The following ADRA1A variants were observed in gnomAD, a reference collection of about 807,000 sequenced individuals.
ADRA1A encodes the protein alpha-1A adrenergic receptor.
In ADRA1A, 31 loss-of-function variants were observed where a neutral mutation model predicts 29.6. That is an observed-to-expected ratio of 1.05 (90% CI 0.79 to 1.41). The LOEUF is 1.41. Among genes scored for constraint, ADRA1A ranks in the 40% most tolerant of loss-of-function variants. ADRA1A has a pLI of 0.00. For missense variants in ADRA1A, 619 were observed against 601.1 expected, an observed-to-expected ratio of 1.03 and a Z score of -0.31; for synonymous variants, 311 against 254.3, an observed-to-expected ratio of 1.22 and a Z score of -2.12.
intron 2 of ADRA1A, among the ~76,000 whole-genome samples, chr8:26,773,193 T>G (rs1441989062): frequency 3.3e-5 from 5 of 152,240 alleles, no homozygotes; most frequent in Non-Finnish European, 5.9e-5. Flanking sequence ...TCAGGGCCCA[T>G]GCTCCTTTGT....
In ADRA1A at chr8:26,864,397, G is replaced by A; in HGVS notation, c.573C>T (p.Gly191=). The change falls in exon 2 of 3, where the codon GGC becomes GGT. Residue 191 remains glycine, a synonymous_variant. Transcript: ENST00000380573. This position sits in a 1 kb window ranked among gnomAD's most constrained non-coding sequence, Gnocchi z 8.1. Reference sequence around the variant, plus strand: ...TGATGGCCAGAGGCAGGTAGAAGGAGCCCAGCGCTGAGAAGAGCACGTAGC... The same window carrying A: ...TGATGGCCAGAGGCAGGTAGAAGGAACCCAGCGCTGAGAAGAGCACGTAGC... The part of the protein sequence containing the change: ...EPGYVLFSAL[G]SFYLPLAIIL... 6.2e-7 allele frequency: 1 copy of A among 1,613,642 alleles called. No homozygotes were observed. Among genetic ancestry groups the A allele is most frequent in the Non-Finnish European group, 8.5e-7 (1 of 1,180,032 alleles).
intron 2 of ADRA1A, among the ~76,000 whole-genome samples, chr8:26,750,244 C>G (rs577190254): frequency 1.3e-5 from 2 of 152,074 alleles, no homozygotes; most frequent in African/African-American, 4.8e-5. Flanking sequence ...CTCTGTTGCC[C>G]AGGCTGGAGT....
At chr8:26,859,321 G>A (rs1813275292) in intron 2 of ADRA1A, 1 of 593,574 alleles carries the variant, frequency 1.7e-6, no homozygotes, top group Admixed American at 3.2e-5. Context: ...CCCAGCAGAA[G>A]TAGTGCCATC....
At chr8:26,810,055 C>G (rs758486520) in intron 2 of ADRA1A, among the ~76,000 whole-genome samples, 3 of 152,220 alleles carry the variant, frequency 2.0e-5, no homozygotes, top group Non-Finnish European at 2.9e-5. Flanking sequence ...GCCCTTATTA[C>G]TTCCTGCCTT....
At chr8:26,795,998 G>C (rs1482994098) in intron 2 of ADRA1A, among the ~76,000 whole-genome samples, 1 of 151,962 alleles carries the variant, frequency 6.6e-6, no homozygotes, top group Non-Finnish European at 1.5e-5. Context: ...GAAAATTGAA[G>C]ATATATGATA....
chr8:26,765,944 G>C (rs1049359916), downstream of ADRA1A: 58 of 1,332,312 alleles, frequency 4.4e-5, no homozygotes, highest in Admixed American at 6.6e-4. Context: ...CAGAAGGTTG[G>C]GATATCCAGT....
At chr8:26,771,575 A>G (rs928835627) in intron 2 of ADRA1A, among the ~76,000 whole-genome samples, 7 of 152,146 alleles carry the variant, frequency 4.6e-5, no homozygotes, top group Non-Finnish European at 1.5e-5. Flanking sequence ...TTCGCAGCAG[A>G]AGAACAAAAC....
intron 2 of ADRA1A, among the ~76,000 whole-genome samples, chr8:26,816,203 TG>T (rs1397829798): frequency 1.3e-5 from 2 of 152,118 alleles, no homozygotes; most frequent in Non-Finnish European, 2.9e-5. Context: ...AGCCTTAAAT[TG>T]GTGTGGGAAG....
At chr8:26,808,260 C>T (rs1809142453) in intron 2 of ADRA1A, among the ~76,000 whole-genome samples, 1 of 152,144 alleles carries the variant, frequency 6.6e-6, no homozygotes, top group Admixed American at 6.5e-5. Flanking sequence ...ATTGCTTTTT[C>T]CACTTAATAC....
At chr8:26,857,611 T>C (rs561943803) in intron 2 of ADRA1A, among the ~76,000 whole-genome samples, 8 of 152,252 alleles carry the variant, frequency 5.3e-5, no homozygotes, top group African/African-American at 1.9e-4. Context: ...CGCAGTGAGC[T>C]ATGATTACCA....
rs1427525278 is a variant in ADRA1A, at chr8:26,864,976, A to G, written c.-7T>C. The stretch of plus-strand genomic sequence containing the variant: ...TTCCCGAGAGAAACACCATGGTCCC[A>G]GCCGGGGCCGGGCGAGGTCCGGCTG... On this transcript the variant is annotated 5_prime_UTR_variant, in exon 2 of 3. Transcript: ENST00000380573. The surrounding 1 kb of genome is among the most constrained non-coding windows in gnomAD (Gnocchi z 8.1). 3 of 1,588,752 alleles carry G rather than the reference A, an allele frequency of 1.9e-6. No individual in the cohort carries two copies. The highest frequency in any genetic ancestry group is 2.3e-5 in the South Asian group (2 of 88,006).
At chr8:26,791,471 A>C (rs1465484552) in intron 2 of ADRA1A, among the ~76,000 whole-genome samples, 1 of 152,162 alleles carries the variant, frequency 6.6e-6, no homozygotes, top group Non-Finnish European at 1.5e-5. Flanking sequence ...ATGGCAGTAA[A>C]TTATGAGTGC....
At position 26,849,592 on chromosome 8, in the gene ADRA1A, C is replaced by T. The variant is rs568352876; in HGVS notation, c.883+14495G>A. 2.0e-5 allele frequency among the ~76,000 whole-genome samples: 3 copies of T among 152,302 alleles called. No homozygotes were observed. The South Asian group carries it at 6.2e-4, about 32-fold the overall frequency. On this transcript the variant is annotated intron_variant, in intron 2 of 2. Transcript: ENST00000380573. ...CAAAGACAATCCATTTCCTTCTCCC[C>T]TTAATCTGGATCTGAAAGATTTGAA...
At chr8:26,816,533 A>ATGTGTGTG (rs59536491) in intron 2 of ADRA1A, among the ~76,000 whole-genome samples, 2,985 of 147,574 alleles carry the variant, frequency 0.02, 42 homozygotes, top group African/African-American at 0.035. Context: ...CTCATGGTGT[A>ATGTGTGTG]TGTGTGTGTG....
At chr8:26,844,499 T>A (rs1477797367) in intron 2 of ADRA1A, among the ~76,000 whole-genome samples, 1 of 152,146 alleles carries the variant, frequency 6.6e-6, no homozygotes, top group Non-Finnish European at 1.5e-5. Flanking sequence ...GGTACTGTCA[T>A]AAGGATAAAG....
At chr8:26,786,465 G>C (rs1807397355) in intron 2 of ADRA1A, among the ~76,000 whole-genome samples, 1 of 151,870 alleles carries the variant, frequency 6.6e-6, no homozygotes, top group African/African-American at 2.4e-5. Flanking sequence ...ATTATTGCAA[G>C]AGATGTACTC....
At chr8:26,840,092 C>A (rs1183961102) in intron 2 of ADRA1A, among the ~76,000 whole-genome samples, 1 of 152,170 alleles carries the variant, frequency 6.6e-6, no homozygotes, top group Admixed American at 6.5e-5. Context: ...ATGTTGTAAC[C>A]CTTATGAAAC....
At chr8:26,847,609 G>A (rs866695747) in intron 2 of ADRA1A, among the ~76,000 whole-genome samples, 5 of 152,324 alleles carry the variant, frequency 3.3e-5, no homozygotes, top group Middle Eastern at 3.4e-3. Context: ...AATGTGGATA[G>A]CACATAAAAA....
Position 26,770,139 on chromosome 8 carries a change from C to A in ADRA1A, c.*10G>T, listed in dbSNP as rs775973909. 47 of 1,528,754 alleles carry A rather than the reference C, an allele frequency of 3.1e-5. No homozygotes were observed. The Admixed American group carries it at 1.0e-3, about 32-fold the overall frequency. 94.7% of individuals were successfully genotyped at this position (1,528,754 alleles called of 1,614,324 possible). ...AAGATTATTCCCCTTTCCTCTGCAT[C>A]TTTCCTGTCCTAGACTTCCTCCCCG... On this transcript the variant is annotated 3_prime_UTR_variant, in exon 3 of 3. Coordinates refer to ENST00000380573, the MANE Select transcript of ADRA1A (RefSeq NM_000680.4).
Sources: allele counts gnomAD v4.1 joint callset (sites outside exome capture counted in the v4.1 genomes callset), GRCh38; gene constraint gnomAD v4.1.1; non-coding constraint Gnocchi (gnomAD v3.1); transcripts MANE v1.5; gene names NCBI Gene and HGNC (gene_info 2026-07-23, HGNC 2026-07-21).